PLPP3: variants seen among roughly 807,000 people sequenced by gnomAD.
PLPP3 encodes PAP2 beta.
Under a neutral mutation model 29.6 loss-of-function variants are expected in PLPP3, and 6 were observed. That is an observed-to-expected ratio of 0.20 (90% CI 0.11 to 0.40). PLPP3 has a LOEUF of 0.40. PLPP3 is among the 10% of genes least tolerant of loss of function. The pLI is 1.00. For missense variants in PLPP3, 308 were observed against 407.7 expected, an observed-to-expected ratio of 0.76 and a Z score of 2.11; for synonymous variants, 152 against 159.7, an observed-to-expected ratio of 0.95 and a Z score of 0.36.
intron 2 of PLPP3, among the ~76,000 whole-genome samples, chr1:56,525,622 C>T (rs6674131): frequency 0.092 from 13,992 of 152,012 alleles, 864 homozygotes; most frequent in Middle Eastern, 0.13. Flanking sequence ...CACCCTGCTG[C>T]CTTTGTCTTA....
chr1:56,527,782 AT>A (rs763051739), intron 2 of PLPP3, among the ~76,000 whole-genome samples: 1 of 152,174 alleles, frequency 6.6e-6, no homozygotes, highest in Non-Finnish European at 1.5e-5. Context: ...TTAAAAGTCT[AT>A]TTAATGAAAT....
At chr1:56,549,768 C>T (rs547862199) in intron 1 of PLPP3, among the ~76,000 whole-genome samples, 2 of 152,306 alleles carry the variant, frequency 1.3e-5, no homozygotes, top group African/African-American at 4.8e-5. Flanking sequence ...CTCCAGAAAA[C>T]ACCCCAAAAT....
chr1:56,535,291 T>C (rs1645918333), intron 2 of PLPP3, among the ~76,000 whole-genome samples: 1 of 152,152 alleles, frequency 6.6e-6, no homozygotes, highest in Non-Finnish European at 1.5e-5. Flanking sequence ...CCTAAGAATA[T>C]CTAGCTCTTG....
chr1:56,522,363 A>G (rs1334617596), intron 4 of PLPP3, among the ~76,000 whole-genome samples: 1 of 152,214 alleles, frequency 6.6e-6, no homozygotes, highest in Non-Finnish European at 1.5e-5. Flanking sequence ...AAGGGATATG[A>G]AAAAAATGAA....
intron 1 of PLPP3, among the ~76,000 whole-genome samples, chr1:56,569,056 C>A (rs1438795762): frequency 6.6e-6 from 1 of 152,146 alleles, no homozygotes; most frequent in Non-Finnish European, 1.5e-5. Flanking sequence ...GTCATCTCTC[C>A]CAAACCCAAA....
intron 5 of PLPP3, among the ~76,000 whole-genome samples, chr1:56,497,464 T>C (rs112195587): frequency 2.2e-3 from 330 of 152,338 alleles, no homozygotes; most frequent in African/African-American, 7.5e-3. Context: ...TTATGCTTTG[T>C]ATTAGATGGC....
intron 1 of PLPP3, among the ~76,000 whole-genome samples, chr1:56,547,372 G>A (rs539255842): frequency 6.6e-6 from 1 of 152,116 alleles, no homozygotes; most frequent in Non-Finnish European, 1.5e-5. Flanking sequence ...TCTAGGACTT[G>A]TGGATCGTTT....
rs1645837370 is a variant in PLPP3 at position 56,524,170 on chromosome 1, C to T, written c.575+107G>A. The stretch of plus-strand genomic sequence containing the variant: ...ACTGTGAGTTCCTCAAGAATAGGAA[C>T]TATGCCTTATTCACCCATCTAAACC... On this transcript the variant is annotated intron_variant, in intron 3 of 5. Transcript: ENST00000371250. The surrounding 1 kb of genome is among the most constrained non-coding windows in gnomAD (Gnocchi z 4.3). 7.4e-7 allele frequency: 1 copy of T among 1,353,470 alleles called. No individual in the cohort carries two copies. The highest frequency in any genetic ancestry group is 1.5e-5 in the African/African-American group (1 of 68,646). 83.8% of individuals were successfully genotyped at this position (1,353,470 alleles called of 1,614,324 possible).
rs1449659896 is a variant in PLPP3 at position 56,529,136 on chromosome 1, A to C, written c.298-4582T>G. ...TCCACTATACTGTTTGCTTCTCACA[A>C]CACCATATGAATTACTAAATTATTA... On this transcript the variant is annotated intron_variant, in intron 2 of 5. Coordinates refer to ENST00000371250, the MANE Select transcript of PLPP3 (RefSeq NM_003713.5). Among the ~76,000 whole-genome samples, 3 of 151,994 alleles carry C rather than the reference A, an allele frequency of 2.0e-5. No homozygotes were observed. In the East Asian group the frequency reaches 5.8e-4, roughly 29 times the overall value.
At chr1:56,565,667 C>A (rs974986276) in intron 1 of PLPP3, among the ~76,000 whole-genome samples, 1 of 151,994 alleles carries the variant, frequency 6.6e-6, no homozygotes, top group African/African-American at 2.4e-5. Context: ...GTGATCTGCC[C>A]GCCTCAGCCT....
intron 2 of PLPP3, among the ~76,000 whole-genome samples, chr1:56,534,395 C>T (rs980019034): frequency 7.9e-5 from 12 of 152,186 alleles, no homozygotes; most frequent in African/African-American, 2.9e-4. Flanking sequence ...CTAAACCACA[C>T]TGGTCTCCTC....
intron 1 of PLPP3, among the ~76,000 whole-genome samples, chr1:56,547,047 CT>C (rs1646010615): frequency 6.6e-6 from 1 of 152,192 alleles, no homozygotes; most frequent in Admixed American, 6.5e-5. Flanking sequence ...ATAAATCTTA[CT>C]CAGAATGGAG....
intron 5 of PLPP3, among the ~76,000 whole-genome samples, chr1:56,500,994 ACT>A (rs1267107253): frequency 4.9e-5 from 6 of 122,478 alleles, no homozygotes; most frequent in Non-Finnish European, 8.2e-5. Flanking sequence ...AGACAGCGAG[ACT>A]CTGTCTCAGA....
At chr1:56,556,466 G>A (rs961890028) in intron 1 of PLPP3, among the ~76,000 whole-genome samples, 2 of 152,120 alleles carry the variant, frequency 1.3e-5, no homozygotes, top group African/African-American at 4.8e-5. Context: ...AAATCAACAT[G>A]AGTAAAAAGA....
chr1:56,572,306 T>G (rs1409617002), intron 1 of PLPP3, among the ~76,000 whole-genome samples: 8 of 152,262 alleles, frequency 5.3e-5, no homozygotes, highest in Non-Finnish European at 5.9e-5. Context: ...TGCCTCAGCC[T>G]CCCAAAGTGC....
chr1:56,536,834 T>G, intron 2 of PLPP3, 121 bp downstream of exon 2: 1 of 1,291,086 alleles, frequency 7.7e-7, no homozygotes, highest in Middle Eastern at 2.1e-4. Context: ...CTTGGCTAAA[T>G]ATAGGCCAGA....
intron 5 of PLPP3, among the ~76,000 whole-genome samples, chr1:56,499,459 C>G (rs1645651938): frequency 6.6e-6 from 1 of 152,240 alleles, no homozygotes; most frequent in African/African-American, 2.4e-5. Context: ...AGCTTTGAGC[C>G]CTGTACACAA....
chr1:56,511,746 A>G (rs1359373115), intron 5 of PLPP3, among the ~76,000 whole-genome samples: 2 of 151,966 alleles, frequency 1.3e-5, no homozygotes, highest in Non-Finnish European at 1.5e-5. Flanking sequence ...CTGTATTTAC[A>G]GAGATTTACA....
intron 2 of PLPP3, among the ~76,000 whole-genome samples, chr1:56,525,817 T>C (rs1401068655): frequency 2.0e-5 from 3 of 152,272 alleles, no homozygotes; most frequent in Admixed American, 2.0e-4. Context: ...TAGTCTGGCA[T>C]ATCCGGACAC....
Sources: allele counts gnomAD v4.1 joint callset (sites outside exome capture counted in the v4.1 genomes callset), GRCh38; gene constraint gnomAD v4.1.1; non-coding constraint Gnocchi (gnomAD v3.1); transcripts MANE v1.5; gene names NCBI Gene and HGNC (gene_info 2026-07-23, HGNC 2026-07-21).